DLGAP2: variants seen among roughly 807,000 people sequenced by gnomAD.
DLGAP2 encodes the protein DLG associated protein 2, also known as disks large-associated protein 2.
Under a neutral mutation model 100.3 loss-of-function variants are expected in DLGAP2, and 26 were observed. The ratio of observed to expected loss-of-function variants is 0.26; its 90% CI spans 0.19 to 0.36. The LOEUF (loss-of-function observed/expected upper bound fraction) is 0.36, where lower values mean the gene tolerates loss of function less well. Among genes scored for constraint, DLGAP2 ranks in the 10% least tolerant of loss-of-function variants. The pLI, the probability that DLGAP2 is intolerant of heterozygous loss-of-function variation, is 1.00. For synonymous variants in DLGAP2, 886 were observed against 630.1 expected (o/e 1.41, Z -6.08); for missense variants, 1,858 against 1,453.2 (o/e 1.28, Z -4.53).
chr8:995,136 T>C (rs181049227), intron 2 of DLGAP2, among the ~76,000 whole-genome samples: 1 of 152,302 alleles, frequency 6.6e-6, no homozygotes, highest in African/African-American at 2.4e-5. Flanking sequence ...GACAGTCTTT[T>C]AATTGGGTAA....
At chr8:1,299,710 C>T (rs1394435189) in intron 3 of DLGAP2, among the ~76,000 whole-genome samples, 3 of 152,096 alleles carry the variant, frequency 2.0e-5, no homozygotes, top group Admixed American at 6.5e-5. Flanking sequence ...ACTGTGAGCT[C>T]CTCAGAATAA....
In DLGAP2 at chr8:1,493,963, C is replaced by T. The variant is rs896089211; in HGVS notation, c.107-7403C>T. Among the ~76,000 whole-genome samples the T allele has an allele frequency of 3.9e-5, 6 of 152,196 alleles. No individual in the cohort carries two copies. The South Asian group carries it at 6.2e-4, about 16-fold the overall frequency. ...TGTGGACTCACAAGACTGGTGGGAA[C>T]GTGTTGTATCTCCTGACCACGGAGG... On this transcript the variant is annotated intron_variant, in intron 3 of 14. Coordinates refer to ENST00000637795, the MANE Select transcript of DLGAP2 (RefSeq NM_001346810.2).
chr8:1,270,483 A>G (rs1799558763), intron 3 of DLGAP2, among the ~76,000 whole-genome samples: 1 of 152,188 alleles, frequency 6.6e-6, no homozygotes, highest in South Asian at 2.1e-4. Flanking sequence ...CTTACGTCCA[A>G]GATTGACTTT....
chr8:1,699,102 G>A (rs937360523), intron 14 of DLGAP2, among the ~76,000 whole-genome samples: 2 of 152,252 alleles, frequency 1.3e-5, no homozygotes, highest in African/African-American at 2.4e-5. Context: ...CAAACGGAAC[G>A]TACTGAAGTT....
chr8:926,354 C>T (rs551725249), intron 2 of DLGAP2, among the ~76,000 whole-genome samples: 3 of 152,192 alleles, frequency 2.0e-5, no homozygotes, highest in Admixed American at 1.3e-4. Flanking sequence ...GGCCACCCCC[C>T]TCACACCTCC....
chr8:1,216,178 G>A (rs1476637106), intron 2 of DLGAP2, among the ~76,000 whole-genome samples: 1 of 152,192 alleles, frequency 6.6e-6, no homozygotes, highest in South Asian at 2.1e-4. Flanking sequence ...ATCTGCAGGG[G>A]ACTAATAGCT....
At chr8:956,959 C>T (rs1799611074) in intron 2 of DLGAP2, among the ~76,000 whole-genome samples, 1 of 152,202 alleles carries the variant, frequency 6.6e-6, no homozygotes, top group Non-Finnish European at 1.5e-5. Flanking sequence ...CCCTCCTGTT[C>T]ATCAGAGCTA....
Position 1,033,364 on chromosome 8 carries a change from A to C in DLGAP2, c.73+125398A>C, listed in dbSNP as rs189824184. 4.1e-4 allele frequency among the ~76,000 whole-genome samples: 63 copies of C among 152,312 alleles called. 2 individuals carry two copies. Among genetic ancestry groups the C allele is most frequent in the Middle Eastern group, 3.4e-3 (1 of 294 alleles). ...AGGGAGAAAAATGGGATGAATGAAG[A>C]ATAAAGGCTTAGCTGGGGGTTGGGG... On this transcript the variant is annotated intron_variant, in intron 2 of 14. Coordinates refer to ENST00000637795, the MANE Select transcript of DLGAP2 (RefSeq NM_001346810.2).
intron 2 of DLGAP2, among the ~76,000 whole-genome samples, chr8:1,256,380 A>T (rs1294294245): frequency 1.3e-5 from 1 of 78,172 alleles, no homozygotes; most frequent in African/African-American, 5.2e-5. Flanking sequence ...GTGTCCTCTC[A>T]TCCTGCCTGG....
intron 6 of DLGAP2, among the ~76,000 whole-genome samples, chr8:1,583,130 T>C (rs1795999724): frequency 6.6e-6 from 1 of 152,160 alleles, no homozygotes; most frequent in African/African-American, 2.4e-5. Flanking sequence ...ATAAACTGTA[T>C]TCTTGTACGG....
intron 2 of DLGAP2, among the ~76,000 whole-genome samples, chr8:1,017,669 A>T (rs1801505694): frequency 6.6e-6 from 1 of 151,866 alleles, no homozygotes; most frequent in Non-Finnish European, 1.5e-5. Context: ...TGTGACCAGG[A>T]GCCTTTTGGC....
At chr8:1,617,445 TG>T (rs1057192398) in intron 6 of DLGAP2, among the ~76,000 whole-genome samples, 3 of 152,228 alleles carry the variant, frequency 2.0e-5, no homozygotes, top group Non-Finnish European at 2.9e-5. Context: ...ACTATCTTAT[TG>T]GGGTTTTGAT....
At chr8:795,339 C>A (rs150068568) in intron 1 of DLGAP2, among the ~76,000 whole-genome samples, 2 of 152,164 alleles carry the variant, frequency 1.3e-5, no homozygotes, top group Admixed American at 6.5e-5. Flanking sequence ...GCCCATGGCT[C>A]GAGCTTGGGC....
At chr8:1,686,028 T>C (rs1237452806) in intron 12 of DLGAP2, among the ~76,000 whole-genome samples, 1 of 152,136 alleles carries the variant, frequency 6.6e-6, no homozygotes, top group African/African-American at 2.4e-5. Context: ...TCTCAAAAAC[T>C]AGAAATAGAA....
intron 2 of DLGAP2, among the ~76,000 whole-genome samples, chr8:1,208,300 G>C (rs2878689): frequency 0.72 from 108,987 of 152,102 alleles, 40,201 homozygotes; most frequent in African/African-American, 0.9. Flanking sequence ...ATTATCCCAG[G>C]ACCATTTGTT....
At chr8:1,647,204 G>T (rs912336225) in intron 8 of DLGAP2, among the ~76,000 whole-genome samples, 1 of 152,150 alleles carries the variant, frequency 6.6e-6, no homozygotes, top group African/African-American at 2.4e-5. Context: ...CCAAGCTAGA[G>T]TCCATGACCC....
At chr8:1,579,610 C>T (rs73671230) in intron 6 of DLGAP2, among the ~76,000 whole-genome samples, 8,365 of 151,874 alleles carry the variant, frequency 0.055, 780 homozygotes, top group African/African-American at 0.19. Flanking sequence ...AAATGAATGA[C>T]GCAGTGCAAA....
At chr8:1,247,540 C>G (rs868352397) in intron 2 of DLGAP2, among the ~76,000 whole-genome samples, 2 of 21,336 alleles carry the variant, frequency 9.4e-5, no homozygotes, top group Non-Finnish European at 8.3e-5. Flanking sequence ...TGGTGGCCGG[C>G]AAGACCTTTG....
At position 1,337,528 on chromosome 8, in the gene DLGAP2, GTGA is replaced by G. The variant is rs35353661; in HGVS notation, c.106+78662_106+78664del. On this transcript the variant is annotated intron_variant, in intron 3 of 14. Coordinates refer to ENST00000637795, the MANE Select transcript of DLGAP2 (RefSeq NM_001346810.2). Reference sequence around the variant, plus strand: ...GATGATGATGGTGATGCTGATGATAGTGATGATGATGATGATGATCATAATGGT... The same window carrying G: ...GATGATGATGGTGATGCTGATGATAGTGATGATGATGATGATCATAATGGT... Among the ~76,000 whole-genome samples, 649 of 148,404 alleles carry G rather than the reference GTGA, an allele frequency of 4.4e-3. 3 individuals are homozygous for G. The highest frequency in any genetic ancestry group is 0.013 in the African/African-American group (534 of 40,280).
Sources: allele counts gnomAD v4.1 joint callset (sites outside exome capture counted in the v4.1 genomes callset), GRCh38; gene constraint gnomAD v4.1.1; transcripts MANE v1.5; gene names NCBI Gene and HGNC (gene_info 2026-07-23, HGNC 2026-07-21).